Variants in CFAP36 observed in about 807,000 individuals in gnomAD.
CFAP36 encodes the protein cilia- and flagella-associated protein 36.
CFAP36 carries 37 observed loss-of-function variants against 50.5 expected under a neutral mutation model. That is an observed-to-expected ratio of 0.73 (90% CI 0.56 to 0.96). The LOEUF is 0.96. Among genes scored for constraint, CFAP36 ranks in the 50% least tolerant of loss-of-function variants. The probability of loss-of-function intolerance (pLI) is 0.00; values close to 1 mark genes in which losing one functional copy is unlikely to be tolerated. For missense variants in CFAP36, 407 were observed against 396.2 expected (o/e 1.03, Z -0.23); for synonymous variants, 138 against 128.2 (o/e 1.08, Z -0.52).
In CFAP36 at chr2:55,537,554, G is replaced by T. The variant is rs1365445469; in HGVS notation, c.609G>T (p.Gly203=). 39 of 1,613,204 alleles carry T rather than the reference G, an allele frequency of 2.4e-5. No homozygotes were observed. The highest frequency in any genetic ancestry group is 4.0e-5 in the African/African-American group (3 of 74,862). The change falls in exon 7 of 10, where the codon GGG becomes GGT. Residue 203 remains glycine, a synonymous_variant. Transcript: ENST00000349456. ...SEAAIMNNSQ[G]DGEHFAHPPS... is the part of the protein sequence containing the mutation. ...CTGCAATAATGAATAATTCCCAAGG[G>T]GATGGTGAACATTTTGCACACCCAC...
intron 7 of CFAP36, chr2:55,538,724 T>C: frequency 1.3e-6 from 2 of 1,493,338 alleles, no homozygotes; most frequent in Non-Finnish European, 1.8e-6. Context: ...ATTATAGGCA[T>C]GAGCCACTGT....
intron 7 of CFAP36, 135 bp from the exon 8 acceptor site, chr2:55,543,803 C>A: frequency 1.2e-6 from 1 of 853,256 alleles, no homozygotes; most frequent in Admixed American, 2.2e-5. Flanking sequence ...AGTATAGGCA[C>A]TGAATATATG....
intron 5 of CFAP36, among the ~76,000 whole-genome samples, chr2:55,535,271 G>T (rs1684451252): frequency 1.3e-5 from 2 of 152,190 alleles, no homozygotes; most frequent in Non-Finnish European, 2.9e-5. Context: ...TGGCACAGTG[G>T]TATCACAAGT....
At chr2:55,535,592 C>T in intron 5 of CFAP36, 120 bp from the exon 6 acceptor site, 3 of 721,664 alleles carry the variant, frequency 4.2e-6, no homozygotes, top group Non-Finnish European at 6.5e-6. Context: ...GATTATCTTC[C>T]ATCTTTGTGT....
chr2:55,536,051 T>A (rs1007858100), intron 6 of CFAP36: 14 of 448,974 alleles, frequency 3.1e-5, no homozygotes, highest in Non-Finnish European at 4.2e-5. Context: ...AGTCATTTTT[T>A]TTGGCAAGTT....
chr2:55,540,969 C>T (rs971786460), intron 7 of CFAP36, among the ~76,000 whole-genome samples: 2 of 151,504 alleles, frequency 1.3e-5, no homozygotes, highest in African/African-American at 4.9e-5. Flanking sequence ...GTTGAGATTG[C>T]ATCACTGCAC....
Position 55,522,104 on chromosome 2 carries a change from T to A in CFAP36, c.118T>A (p.Phe40Ile). The A allele has an allele frequency of 6.8e-7, 1 of 1,472,510 alleles. No homozygotes were observed. The allele number at this position is 1,472,510 out of a possible 1,614,324, so 91.2% of individuals were successfully genotyped here. ...LDFVEQKCEV[F>I]DDEEESKLTY... ...GTAATATTTTCTTTTAAATTTAGTT[T>A]TTGATGATGAAGAAGAAAGCAAATT... Residue 40 changes from phenylalanine (F) to isoleucine (I), a missense_variant and splice_region_variant, in exon 2 of 10, where the codon TTT becomes ATT. Transcript: ENST00000349456.
At chr2:55,529,868 G>C (rs141284103) in intron 4 of CFAP36, among the ~76,000 whole-genome samples, 8 of 152,078 alleles carry the variant, frequency 5.3e-5, no homozygotes, top group East Asian at 1.9e-4. Flanking sequence ...GGATGGTCTC[G>C]ATCTCCTGAC....
Position 55,544,088 on chromosome 2 carries a change from A to T in CFAP36, c.777+14A>T. Reference sequence around the variant, plus strand: ...GGACCAATAGCAGTAAGTAAACGACATCACTTAAGAACTATAAGCAAAATG... The same window carrying T: ...GGACCAATAGCAGTAAGTAAACGACTTCACTTAAGAACTATAAGCAAAATG... On this transcript the variant is annotated intron_variant, in intron 8 of 9. Coordinates refer to ENST00000349456, the MANE Select transcript of CFAP36 (RefSeq NM_080667.7). 6.2e-7 allele frequency: 1 copy of T among 1,613,276 alleles called. No homozygotes were observed. Among genetic ancestry groups the T allele is most frequent in the Non-Finnish European group, 8.5e-7 (1 of 1,179,774 alleles).
intron 1 of CFAP36, among the ~76,000 whole-genome samples, chr2:55,520,799 A>G (rs142760588): frequency 6.4e-4 from 97 of 152,336 alleles, no homozygotes; most frequent in African/African-American, 1.9e-3. Context: ...AAGGTTGAGT[A>G]GAATAGAGCT....
At chr2:55,530,921 T>C (rs1684336958) in intron 4 of CFAP36, 1 of 152,192 alleles carries the variant, frequency 6.6e-6, no homozygotes, top group South Asian at 2.1e-4. Context: ...CATGCAACAA[T>C]AGGGCTTCCG....
At chr2:55,527,438 C>T (rs1038951455) in intron 3 of CFAP36, among the ~76,000 whole-genome samples, 7 of 151,952 alleles carry the variant, frequency 4.6e-5, no homozygotes, top group Non-Finnish European at 8.8e-5. Flanking sequence ...AAAAATTAGC[C>T]GGGTGTGGTA....
At chr2:55,543,795 T>C in intron 7 of CFAP36, 143 bp from the exon 8 acceptor site, 3 of 798,084 alleles carry the variant, frequency 3.8e-6, no homozygotes, top group Non-Finnish European at 6.2e-6. Flanking sequence ...GCTGGCACAG[T>C]ATAGGCACTG....
chr2:55,534,337 C>T (rs987731538), intron 5 of CFAP36, among the ~76,000 whole-genome samples: 1 of 152,164 alleles, frequency 6.6e-6, no homozygotes. Context: ...TTCTAGGTGT[C>T]ACATGGTAGG....
intron 7 of CFAP36, 24 bp downstream of exon 7, chr2:55,537,609 TTCTC>T: frequency 1.4e-6 from 2 of 1,450,622 alleles, no homozygotes; most frequent in African/African-American, 1.5e-5. Context: ...GTACTGAACT[TTCTC>T]TAATAATATG....
At chr2:55,535,853 T>C (rs933814597) in intron 6 of CFAP36, 90 bp downstream of exon 6, 12 of 1,451,924 alleles carry the variant, frequency 8.3e-6, no homozygotes, top group African/African-American at 4.4e-5. Flanking sequence ...TTTATACTTA[T>C]GTGGAACTAC....
At chr2:55,524,317 G>A (rs925128138) in intron 3 of CFAP36, among the ~76,000 whole-genome samples, 5 of 151,914 alleles carry the variant, frequency 3.3e-5, no homozygotes, top group African/African-American at 1.2e-4. Context: ...AGTTTAGTGT[G>A]ATTGCAGCTC....
chr2:55,522,482 AT>A (rs988365409), intron 2 of CFAP36, among the ~76,000 whole-genome samples: 3 of 151,852 alleles, frequency 2.0e-5, no homozygotes, highest in Non-Finnish European at 4.4e-5. Flanking sequence ...TTGTCATGTG[AT>A]TTTTTTATTT....
In CFAP36 at chr2:55,533,889, C is replaced by T. The variant is rs767397738; in HGVS notation, c.414C>T (p.Cys138=). Residue 138 remains cysteine (C), a synonymous_variant, in exon 5 of 10, where the codon TGC becomes TGT. Transcript: ENST00000349456. ...TTTGAACAGGTGTATTACCTGACTG[C>T]TTAACCGATGGCTCTGATGTGGTCA... is the stretch of plus-strand genomic sequence containing the variant. ...IQERNGVLPD[C]LTDGSDVVSD... is the part of the protein sequence containing the mutation. 5 of 1,610,334 alleles carry T rather than the reference C, an allele frequency of 3.1e-6. No individual in the cohort carries two copies. Among genetic ancestry groups the T allele is most frequent in the Middle Eastern group, 1.7e-4 (1 of 6,054 alleles).
Sources: gnomAD v4.1 joint callset for allele counts (sites outside exome capture counted in the v4.1 genomes callset) on GRCh38, gnomAD v4.1.1 for gene constraint, MANE v1.5 for transcripts, NCBI Gene and HGNC (gene_info 2026-07-23, HGNC 2026-07-21) for gene names.